TNFRSF8: variants seen among roughly 807,000 people sequenced by gnomAD.
The protein encoded by TNFRSF8 is tumor necrosis factor receptor superfamily member 8.
A neutral mutation model predicts 70.8 loss-of-function variants in TNFRSF8; 26 were observed. The observed-to-expected ratio is 0.37, with a 90% CI of 0.27 to 0.51. The LOEUF (loss-of-function observed/expected upper bound fraction) is 0.51, where lower values mean the gene tolerates loss of function less well. Among genes scored for constraint, TNFRSF8 ranks in the 20% least tolerant of loss-of-function variants. TNFRSF8 has a pLI of 0.94. For synonymous variants in TNFRSF8, 356 were observed against 339.2 expected (o/e 1.05, Z -0.54); for missense variants, 720 against 807.9 (o/e 0.89, Z 1.32).
At chr1:12,080,588 A>C (rs1210361054) in intron 1 of TNFRSF8, 1 of 339,126 alleles carries the variant, frequency 2.9e-6, no homozygotes, top group Non-Finnish European at 5.7e-6. Flanking sequence ...ATGGAGTTTC[A>C]CCCTTGTTGC....
chr1:12,094,639 T>TG (rs1641300198), intron 2 of TNFRSF8, among the ~76,000 whole-genome samples: 1 of 149,524 alleles, frequency 6.7e-6, no homozygotes, highest in Non-Finnish European at 1.5e-5. Flanking sequence ...TTGCTTTTTT[T>TG]TTTTGAGACG....
chr1:12,087,443 C>G (rs891432675), intron 2 of TNFRSF8, among the ~76,000 whole-genome samples: 5 of 152,180 alleles, frequency 3.3e-5, no homozygotes, highest in Non-Finnish European at 5.9e-5. Context: ...GCTGGGATTA[C>G]AGGCATGAGC....
At chr1:12,115,872 TCC>T in intron 8 of TNFRSF8, 143 bp downstream of exon 8, 1 of 811,692 alleles carries the variant, frequency 1.2e-6, no homozygotes, top group Non-Finnish European at 1.9e-6. Flanking sequence ...GTTCTGGTTA[TCC>T]TTTGAGTAGT....
At chr1:12,126,321 G>A in intron 12 of TNFRSF8, 85 bp downstream of exon 12, 1 of 1,511,576 alleles carries the variant, frequency 6.6e-7, no homozygotes, top group Non-Finnish European at 9.2e-7. Flanking sequence ...TCCAGAGACT[G>A]AACTTCTACC....
intron 2 of TNFRSF8, among the ~76,000 whole-genome samples, chr1:12,096,789 T>TCA (rs34950439): frequency 0.027 from 4,068 of 151,316 alleles, 176 homozygotes; most frequent in African/African-American, 0.09. Flanking sequence ...CTATGTACCC[T>TCA]CACACACACA....
Position 12,142,771 on chromosome 1 carries a change from G to A in TNFRSF8, c.*240G>A. On this transcript the variant is annotated 3_prime_UTR_variant, in exon 15 of 15. Transcript: ENST00000263932. This position sits in a 1 kb window ranked among gnomAD's most constrained non-coding sequence, Gnocchi z 5.0. ...GGCTTGTACAGAAGAGACAGTCCAA[G>A]GGGACTGGATCCCAGCAGTGATGTT... The A allele has an allele frequency of 1.9e-6, 1 of 537,410 alleles. No homozygotes were observed. Among genetic ancestry groups the A allele is most frequent in the East Asian group, 3.1e-5 (1 of 32,546 alleles). 33.3% of individuals were successfully genotyped at this position (537,410 alleles called of 1,614,324 possible).
intron 1 of TNFRSF8, among the ~76,000 whole-genome samples, chr1:12,065,157 A>G (rs1307799894): frequency 2.2e-5 from 3 of 134,156 alleles, no homozygotes; most frequent in African/African-American, 5.8e-5. Context: ...ATCTCGGCTC[A>G]CTGCAACCTC....
intron 4 of TNFRSF8, among the ~76,000 whole-genome samples, chr1:12,107,085 G>T (rs1457922172): frequency 6.6e-6 from 1 of 152,196 alleles, no homozygotes; most frequent in Admixed American, 6.5e-5. Context: ...CCCGTGGCAC[G>T]TGGCCACGCA....
intron 1 of TNFRSF8, among the ~76,000 whole-genome samples, chr1:12,067,107 G>T (rs979804748): frequency 3.3e-5 from 5 of 152,032 alleles, no homozygotes; most frequent in African/African-American, 1.2e-4. Context: ...GTGTTTTTTT[G>T]TAATATGACC....
At position 12,110,634 on chromosome 1, in the gene TNFRSF8, T is replaced by C. The variant is rs1275721593; in HGVS notation, c.676+430T>C. On this transcript the variant is annotated intron_variant, in intron 6 of 14. Coordinates refer to ENST00000263932, the MANE Select transcript of TNFRSF8 (RefSeq NM_001243.5). This position sits in a 1 kb window ranked among gnomAD's most constrained non-coding sequence, Gnocchi z 4.0. ...TTTTTTTGAGACGGAGTTTCGCTCA[T>C]GTTGCCCAGGCTGGAGTGCAGTGGC... Among the ~76,000 whole-genome samples the C allele has an allele frequency of 6.6e-6, 1 of 152,190 alleles. No individual in the cohort carries two copies. Among genetic ancestry groups the C allele is most frequent in the African/African-American group, 2.4e-5 (1 of 41,442 alleles).
intron 12 of TNFRSF8, among the ~76,000 whole-genome samples, chr1:12,129,629 G>T (rs1159017493): frequency 6.6e-6 from 1 of 152,174 alleles, no homozygotes; most frequent in African/African-American, 2.4e-5. Context: ...CTTTGGGTTT[G>T]TCTGGTGTTT....
rs1641610183 is a variant in TNFRSF8, at chr1:12,110,489, T to C, written c.676+285T>C. 6.6e-6 allele frequency among the ~76,000 whole-genome samples: 1 copy of C among 152,216 alleles called. No homozygotes were observed. The highest frequency in any genetic ancestry group is 2.1e-4 in the South Asian group (1 of 4,834). On this transcript the variant is annotated intron_variant, in intron 6 of 14. Transcript: ENST00000263932. This position sits in a 1 kb window ranked among gnomAD's most constrained non-coding sequence, Gnocchi z 4.0. The stretch of plus-strand genomic sequence containing the variant: ...TCTACGTTGGTTTGTCAGAGGGAAA[T>C]GGGTCCCACTCTGCTGTTGTGACAC...
chr1:12,131,169 G>T (rs371231881), intron 12 of TNFRSF8, among the ~76,000 whole-genome samples: 1 of 152,142 alleles, frequency 6.6e-6, no homozygotes, highest in Admixed American at 6.5e-5. Context: ...TTCTAAGTAG[G>T]CCAGGTGTAG....
At chr1:12,116,945 T>C (rs998728445) in intron 8 of TNFRSF8, among the ~76,000 whole-genome samples, 3 of 151,764 alleles carry the variant, frequency 2.0e-5, no homozygotes, top group African/African-American at 7.3e-5. Flanking sequence ...GGGAGGGAAG[T>C]TGAGAGGTGT....
intron 12 of TNFRSF8, among the ~76,000 whole-genome samples, chr1:12,134,692 TC>T (rs1642113187): frequency 6.6e-6 from 1 of 152,090 alleles, no homozygotes; most frequent in Admixed American, 6.6e-5. Context: ...AAAATCGAAG[TC>T]CAGCTGGAGT....
At chr1:12,116,611 A>G (rs755463055) in intron 8 of TNFRSF8, among the ~76,000 whole-genome samples, 14 of 151,584 alleles carry the variant, frequency 9.2e-5, no homozygotes, top group Admixed American at 6.6e-5. Context: ...GACCAGCCTG[A>G]CCAACATGGC....
At position 12,112,230 on chromosome 1, in the gene TNFRSF8, A is replaced by AT. The variant is rs1245905449; in HGVS notation, c.793+218dup. On this transcript the variant is annotated intron_variant, in intron 7 of 14. Transcript: ENST00000263932. This position sits in a 1 kb window ranked among gnomAD's most constrained non-coding sequence, Gnocchi z 5.3. ...CATCAATGTTTGTAACTACTCTGTGATTCAAGCATTGTGATCATTCCCCTT... is the reference window on the plus strand; with the variant it reads ...CATCAATGTTTGTAACTACTCTGTGATTTCAAGCATTGTGATCATTCCCCTT... Among the ~76,000 whole-genome samples the AT allele has an allele frequency of 1.3e-5, 2 of 152,268 alleles. No homozygotes were observed. Among genetic ancestry groups the AT allele is most frequent in the East Asian group, 3.9e-4 (2 of 5,178 alleles).
intron 13 of TNFRSF8, 106 bp downstream of exon 13, chr1:12,135,719 G>A: frequency 2.0e-6 from 3 of 1,478,546 alleles, no homozygotes; most frequent in Non-Finnish European, 2.8e-6. Flanking sequence ...GGAGAGGGAG[G>A]GGACGGACTG....
At chr1:12,123,949 G>A (rs535693814) in intron 10 of TNFRSF8, 122 bp downstream of exon 10, 1 of 806,332 alleles carries the variant, frequency 1.2e-6, no homozygotes, top group Admixed American at 2.8e-5. Flanking sequence ...GGGGATTAAG[G>A]TTGACCCCAG....
Sources: gnomAD v4.1 joint callset for allele counts (sites outside exome capture counted in the v4.1 genomes callset) on GRCh38, gnomAD v4.1.1 for gene constraint, Gnocchi (gnomAD v3.1) non-coding constraint, MANE v1.5 for transcripts, NCBI Gene and HGNC (gene_info 2026-07-23, HGNC 2026-07-21) for gene names.